The following MRPS6 variants were observed in gnomAD, a reference collection of about 807,000 sequenced individuals.
MRPS6 encodes the protein mitochondrial ribosomal protein S6.
In MRPS6, 6 loss-of-function variants were observed where a neutral mutation model predicts 13.1. The ratio of observed to expected loss-of-function variants is 0.46; its 90% CI spans 0.25 to 0.91. MRPS6 has a LOEUF of 0.91. Ranked by LOEUF, MRPS6 falls within the 40% of genes least tolerant of loss-of-function variation. The pLI is 0.18. For synonymous variants in MRPS6, 61 were observed against 56.5 expected, an observed-to-expected ratio of 1.08 and a Z score of -0.36; for missense variants, 164 against 155.6, an observed-to-expected ratio of 1.05 and a Z score of -0.29.
chr21:34,112,135 A>G (rs149282042), intron 1 of MRPS6, among the ~76,000 whole-genome samples: 1 of 152,110 alleles, frequency 6.6e-6, no homozygotes, highest in African/African-American at 2.4e-5. Flanking sequence ...TTTATGACTC[A>G]GTATAATCTT....
rs183044008 is a variant in MRPS6 at position 34,102,148 on chromosome 21, G to C, written c.46-23193G>C. 13 of 1,000,102 alleles carry C rather than the reference G, an allele frequency of 1.3e-5. No homozygotes were observed. In the South Asian group the frequency reaches 3.3e-4, roughly 25 times the overall value. The allele number at this position is 1,000,102 out of a possible 1,614,324, so 62.0% of individuals were successfully genotyped here. On this transcript the variant is annotated intron_variant, in intron 1 of 2. Coordinates refer to ENST00000399312, the MANE Select transcript of MRPS6 (RefSeq NM_032476.4). Reference sequence around the variant, plus strand: ...TAATATGGAATGTTTTTGTCAGACTGTCCTTTGTTGGAATACTTTAGCTGT... The same window carrying C: ...TAATATGGAATGTTTTTGTCAGACTCTCCTTTGTTGGAATACTTTAGCTGT...
At chr21:34,093,584 C>T (rs1254347443) in intron 1 of MRPS6, among the ~76,000 whole-genome samples, 1 of 145,744 alleles carries the variant, frequency 6.9e-6, no homozygotes, top group East Asian at 1.9e-4. Context: ...TGCCTAGAAT[C>T]ATCAGAAAAA....
intron 1 of MRPS6, among the ~76,000 whole-genome samples, chr21:34,119,571 T>C (rs1022851886): frequency 2.0e-5 from 3 of 152,172 alleles, no homozygotes; most frequent in Non-Finnish European, 4.4e-5. Flanking sequence ...TATAACTCTT[T>C]GTAACGTGAG....
At chr21:34,120,757 A>G (rs928069552) in intron 1 of MRPS6, among the ~76,000 whole-genome samples, 4 of 152,180 alleles carry the variant, frequency 2.6e-5, no homozygotes, top group Admixed American at 6.5e-5. Flanking sequence ...TCACTTCTAG[A>G]TGAATTGTAG....
intron 1 of MRPS6, among the ~76,000 whole-genome samples, chr21:34,116,754 T>A (rs551342856): frequency 6.6e-6 from 1 of 152,132 alleles, no homozygotes; most frequent in South Asian, 2.1e-4. Flanking sequence ...GCTGAAAACA[T>A]GGAGCAAACA....
chr21:34,088,914 C>A (rs770248384), intron 1 of MRPS6, among the ~76,000 whole-genome samples: 1 of 150,464 alleles, frequency 6.6e-6, no homozygotes, highest in Non-Finnish European at 1.5e-5. Flanking sequence ...ACTCACTTAT[C>A]TTTGATAAAC....
intron 2 of MRPS6, among the ~76,000 whole-genome samples, chr21:34,137,848 A>G (rs977229796): frequency 2.6e-5 from 4 of 152,064 alleles, no homozygotes; most frequent in African/African-American, 2.4e-5. Flanking sequence ...GTTTGTTGAA[A>G]TGATCATATG....
At chr21:34,104,804 A>G (rs1349087668) in intron 1 of MRPS6, 9 of 1,000,116 alleles carry the variant, frequency 9.0e-6, no homozygotes, top group Non-Finnish European at 1.1e-5. Context: ...TGTTAATCCT[A>G]CGTACTATGT....
intron 1 of MRPS6, among the ~76,000 whole-genome samples, chr21:34,087,342 T>A (rs111810837): frequency 2.6e-5 from 4 of 152,326 alleles, no homozygotes; most frequent in Non-Finnish European, 5.9e-5. Flanking sequence ...ATTGGAAGTT[T>A]AGCAGTCTTG....
intron 1 of MRPS6, chr21:34,099,884 T>G: frequency 2.7e-6 from 1 of 365,232 alleles, no homozygotes; most frequent in Non-Finnish European, 4.0e-6. Flanking sequence ...CAGTAATAGA[T>G]AATGTGCTCG....
At chr21:34,104,484 T>A (rs1429573428) in intron 1 of MRPS6, 2 of 998,046 alleles carry the variant, frequency 2.0e-6, no homozygotes, top group Non-Finnish European at 2.4e-6. Context: ...TGACTACCTT[T>A]GTTCCTACTC....
intron 2 of MRPS6, among the ~76,000 whole-genome samples, chr21:34,126,655 T>C (rs1417704822): frequency 2.6e-5 from 4 of 152,244 alleles, no homozygotes; most frequent in African/African-American, 7.2e-5. Flanking sequence ...AGCGCAGTTA[T>C]GGATCCTTTT....
At chr21:34,097,876 T>C in intron 1 of MRPS6, 1 of 997,054 alleles carries the variant, frequency 1.0e-6, no homozygotes, top group Non-Finnish European at 1.2e-6. Context: ...ATTTGCCAGG[T>C]TCATTTTGTT....
intron 1 of MRPS6, chr21:34,098,459 CCT>C (rs1979073449): frequency 6.0e-6 from 6 of 999,686 alleles, no homozygotes; most frequent in Non-Finnish European, 7.2e-6. Context: ...TAAGTTTTTC[CCT>C]GATTTTTTTT....
chr21:34,137,182 C>G (rs186783070), intron 2 of MRPS6, among the ~76,000 whole-genome samples: 4 of 152,154 alleles, frequency 2.6e-5, no homozygotes, highest in African/African-American at 9.6e-5. Flanking sequence ...AATCAATATT[C>G]TAGGGTTTTG....
Position 34,132,116 on chromosome 21 carries a change from CT to C in MRPS6, c.185+6639del, listed in dbSNP as rs1169194977. ...GGTCACTGAAGCAGGCAGAGATTGA[CT>C]TTATCCTGGACTTCTGGTCAGTTCT... On this transcript the variant is annotated intron_variant, in intron 2 of 2. Transcript: ENST00000399312. 3.9e-5 allele frequency among the ~76,000 whole-genome samples: 6 copies of C among 152,336 alleles called. No homozygotes were observed. In the East Asian group the frequency reaches 1.2e-3, roughly 29 times the overall value.
chr21:34,099,980 A>T lies in MRPS6; in HGVS notation c.46-25361A>T, dbSNP rs1979160337. On this transcript the variant is annotated intron_variant, in intron 1 of 2. Transcript: ENST00000399312. Reference sequence around the variant, plus strand: ...CATTAGAATGATTGTTCCTGGAATGATCATACATGGACTGTCTTAAGCTAG... The same window carrying T: ...CATTAGAATGATTGTTCCTGGAATGTTCATACATGGACTGTCTTAAGCTAG... The T allele has an allele frequency of 7.6e-6, 4 of 526,122 alleles. No homozygotes were observed. In the South Asian group the frequency reaches 3.4e-4, roughly 45 times the overall value. 32.6% of individuals were successfully genotyped at this position (526,122 alleles called of 1,614,324 possible). A position where few individuals can be genotyped will look rare whatever the true frequency, so the allele number is the denominator to read the frequency against.
intron 2 of MRPS6, among the ~76,000 whole-genome samples, chr21:34,126,948 A>C (rs1023645564): frequency 2.0e-5 from 3 of 149,876 alleles, no homozygotes; most frequent in Admixed American, 1.3e-4. Context: ...CTCTGTGTGC[A>C]GTGGTGGGGG....
At chr21:34,092,960 A>T (rs1217451850) in intron 1 of MRPS6, among the ~76,000 whole-genome samples, 1 of 152,220 alleles carries the variant, frequency 6.6e-6, no homozygotes, top group Non-Finnish European at 1.5e-5. Context: ...GCAGGGTTTC[A>T]TAACTGCGAA....
Sources: gnomAD v4.1 joint callset for allele counts (sites outside exome capture counted in the v4.1 genomes callset) on GRCh38, gnomAD v4.1.1 for gene constraint, MANE v1.5 for transcripts, NCBI Gene and HGNC (gene_info 2026-07-23, HGNC 2026-07-21) for gene names.